Variants in CFAP68 observed in about 807,000 individuals in gnomAD.
CFAP68 encodes cilia- and flagella-associated protein 68.
At chr11:111,882,575 C>T in the CFAP68 span, 1 of 1,586,406 alleles carries the variant, frequency 6.3e-7, no homozygotes, top group Non-Finnish European at 8.6e-7. Flanking sequence ...GAATATCGTG[C>T]AGCCCAAACC....
chr11:111,884,539 C>T, the CFAP68 span: 1 of 151,162 alleles, frequency 6.6e-6, no homozygotes, highest in Non-Finnish European at 1.5e-5. Context: ...TCCCTTCCTT[C>T]TGTCGTAGCA....
the CFAP68 span, among the ~76,000 whole-genome samples, chr11:111,880,083 T>A: frequency 6.6e-4 from 101 of 152,240 alleles, no homozygotes; most frequent in African/African-American, 2.4e-3. Context: ...CAACTTTTAT[T>A]TTACAAATGG....
chr11:111,880,169 A>C, the CFAP68 span, among the ~76,000 whole-genome samples: 4 of 152,130 alleles, frequency 2.6e-5, no homozygotes, highest in Non-Finnish European at 5.9e-5. Flanking sequence ...GGTATATTGC[A>C]CCTAATAGTT....
chr11:111,882,016 TTGAC>T, the CFAP68 span, among the ~76,000 whole-genome samples: 2 of 152,248 alleles, frequency 1.3e-5, no homozygotes, highest in African/African-American at 2.4e-5. Context: ...TTTGTTCTCT[TTGAC>T]TGTAGCAGTG....
the CFAP68 span, chr11:111,882,422 G>A: frequency 6.2e-6 from 10 of 1,614,058 alleles, no homozygotes; most frequent in South Asian, 1.1e-5. Context: ...CCTTGTTAAT[G>A]CAGATGGCCA....
chr11:111,883,230 AC>A, the CFAP68 span: 136 of 1,523,704 alleles, frequency 8.9e-5, no homozygotes, highest in Non-Finnish European at 8.8e-5. Context: ...TCAAATTCTT[AC>A]ATTTTCAGAA....
chr11:111,881,743 G>A, the CFAP68 span: 1 of 1,130,706 alleles, frequency 8.8e-7, no homozygotes, highest in Non-Finnish European at 1.2e-6. Flanking sequence ...GATTGATTGG[G>A]AGAACAGGCA....
At chr11:111,882,575 C>A in the CFAP68 span, 2 of 1,586,406 alleles carry the variant, frequency 1.3e-6, no homozygotes, top group Non-Finnish European at 1.7e-6. Context: ...GAATATCGTG[C>A]AGCCCAAACC....
the CFAP68 span, chr11:111,883,972 A>G: frequency 4.1e-6 from 4 of 965,406 alleles, no homozygotes; most frequent in South Asian, 6.3e-5. Context: ...TCACTTTTCC[A>G]GAGTGAAATG....
At chr11:111,882,161 C>T in the CFAP68 span, among the ~76,000 whole-genome samples, 1 of 152,098 alleles carries the variant, frequency 6.6e-6, no homozygotes, top group Non-Finnish European at 1.5e-5. Context: ...TGGATTTAAT[C>T]CATGTAGTCA....
At chr11:111,880,560 A>G in the CFAP68 span, among the ~76,000 whole-genome samples, 60 of 152,350 alleles carry the variant, frequency 3.9e-4, no homozygotes, top group African/African-American at 1.3e-3. Context: ...GACAGTTTAC[A>G]AATGCCATGG....
At chr11:111,883,894 C>G in the CFAP68 span, 8 of 1,510,082 alleles carry the variant, frequency 5.3e-6, no homozygotes, top group East Asian at 6.8e-5. Flanking sequence ...GGGCATCACT[C>G]AGGATGTGTA....
the CFAP68 span, chr11:111,884,144 G>A: frequency 3.3e-5 from 10 of 305,646 alleles, no homozygotes; most frequent in African/African-American, 2.2e-4. Context: ...CAGCAACTCA[G>A]TTCTACATTT....
the CFAP68 span, chr11:111,881,665 A>G: frequency 6.7e-7 from 1 of 1,485,172 alleles, no homozygotes; most frequent in Non-Finnish European, 8.9e-7. Context: ...GGGGAAAAAG[A>G]AAGATTGAGC....
chr11:111,881,605 C>T, the CFAP68 span: 1 of 1,534,130 alleles, frequency 6.5e-7, no homozygotes, highest in Non-Finnish European at 8.7e-7. Flanking sequence ...AGTTACTCTT[C>T]TTCAGGAAAG....
chr11:111,879,718 G>C, the CFAP68 span: 2 of 1,174,154 alleles, frequency 1.7e-6, no homozygotes, highest in Non-Finnish European at 2.5e-6. Context: ...TGTGGCCTAT[G>C]ATTTCAATGA....
At chr11:111,879,835 G>A in the CFAP68 span, among the ~76,000 whole-genome samples, 2 of 152,206 alleles carry the variant, frequency 1.3e-5, no homozygotes, top group Non-Finnish European at 2.9e-5. Flanking sequence ...TGGGGGCGAA[G>A]AGGGTCAGAG....
the CFAP68 span, chr11:111,885,322 AATTTTTTTAAAG>A: frequency 6.6e-6 from 1 of 152,180 alleles, no homozygotes; most frequent in Non-Finnish European, 1.5e-5. Context: ...TACCAAAAAA[AATTTTTTTAAAG>A]ATTTCAGTAT....
At chr11:111,879,640 AAG>A in the CFAP68 span, 5 of 1,600,436 alleles carry the variant, frequency 3.1e-6, no homozygotes, top group South Asian at 3.3e-5. Context: ...TCGTTCAAGA[AAG>A]AGTATTGAGT....
Sources: allele counts gnomAD v4.1 joint callset (sites outside exome capture counted in the v4.1 genomes callset), GRCh38; gene constraint gnomAD v4.1.1; transcripts MANE v1.5; gene names NCBI Gene and HGNC (gene_info 2026-07-23, HGNC 2026-07-21).